PLS1: variants seen among roughly 807,000 people sequenced by gnomAD.
PLS1 encodes the protein plastin-1.
In PLS1, 32 loss-of-function variants were observed where a neutral mutation model predicts 73.7. That is an observed-to-expected ratio of 0.43 (90% CI 0.33 to 0.58). PLS1 has a LOEUF of 0.58. Among genes scored for constraint, PLS1 ranks in the 20% least tolerant of loss-of-function variants. PLS1 has a pLI of 0.04. For missense variants in PLS1, 633 were observed against 740.5 expected (o/e 0.85, Z 1.68); for synonymous variants, 217 against 261.3 (o/e 0.83, Z 1.63).
intron 11 of PLS1, among the ~76,000 whole-genome samples, chr3:142,694,942 T>G (rs2038162780): frequency 6.6e-6 from 1 of 152,208 alleles, no homozygotes; most frequent in Non-Finnish European, 1.5e-5. Flanking sequence ...TATTTTTTTC[T>G]AATTTGTAAA....
intron 1 of PLS1, among the ~76,000 whole-genome samples, chr3:142,655,469 C>T (rs1001375462): frequency 6.6e-6 from 1 of 151,952 alleles, no homozygotes; most frequent in African/African-American, 2.4e-5. Context: ...GCCTGTAATC[C>T]CAGCACTTTG....
chr3:142,689,839 C>CT, intron 10 of PLS1, 26 bp downstream of exon 10: 1 of 1,410,690 alleles, frequency 7.1e-7, no homozygotes, highest in Non-Finnish European at 9.8e-7. Flanking sequence ...CTTTAATTGA[C>CT]TTGCTATATT....
chr3:142,668,044 T>G (rs2037515870), intron 2 of PLS1, among the ~76,000 whole-genome samples: 1 of 152,200 alleles, frequency 6.6e-6, no homozygotes, highest in African/African-American at 2.4e-5. Context: ...AACCATTAAT[T>G]CAGTTAGTAT....
intron 1 of PLS1, among the ~76,000 whole-genome samples, chr3:142,621,603 CAT>C (rs2036316090): frequency 6.6e-6 from 1 of 152,180 alleles, no homozygotes; most frequent in Non-Finnish European, 1.5e-5. Flanking sequence ...TATTCATACA[CAT>C]GTGCATAGAA....
chr3:142,684,194 C>G (rs374046673), intron 7 of PLS1, 23 bp downstream of exon 7: 32 of 1,613,416 alleles, frequency 2.0e-5, no homozygotes, highest in African/African-American at 2.7e-5. Flanking sequence ...GAAATATTTG[C>G]TGTTCATTGA....
At chr3:142,645,552 C>G (rs1462348129) in intron 1 of PLS1, 1 of 152,148 alleles carries the variant, frequency 6.6e-6, no homozygotes, top group Non-Finnish European at 1.5e-5. Flanking sequence ...CCAGCTAGAA[C>G]TGGAGGAAAG....
At chr3:142,607,653 TA>T (rs1439483402) in intron 1 of PLS1, among the ~76,000 whole-genome samples, 3 of 152,282 alleles carry the variant, frequency 2.0e-5, no homozygotes, top group Admixed American at 2.0e-4. Context: ...TATTATTAAC[TA>T]AAGTCCTTAG....
intron 5 of PLS1, 134 bp from the exon 6 acceptor site, chr3:142,677,898 T>C (rs2037755933): frequency 4.4e-6 from 2 of 458,412 alleles, no homozygotes; most frequent in South Asian, 6.4e-5. Flanking sequence ...TGTGCCACCA[T>C]GCCTGGCTTA....
rs529804893 is a variant in PLS1, at chr3:142,610,654, C to T, written c.-37+14145C>T. 4.1e-4 allele frequency among the ~76,000 whole-genome samples: 62 copies of T among 152,160 alleles called. 1 individual carries two copies. The highest frequency in any genetic ancestry group is 8.3e-4 in the South Asian group (4 of 4,806). ...TTTGTCCTTTTGATGTCCCCTTTCC[C>T]TACTCTCTTCAGTGTGGCCTCAAAT... On this transcript the variant is annotated intron_variant, in intron 1 of 15. Transcript: ENST00000457734.
At chr3:142,602,767 C>T (rs2035950497) in intron 1 of PLS1, among the ~76,000 whole-genome samples, 1 of 152,178 alleles carries the variant, frequency 6.6e-6, no homozygotes, top group Non-Finnish European at 1.5e-5. Flanking sequence ...CTTTCCATTT[C>T]CTGGTTCTGC....
chr3:142,686,344 C>A lies in PLS1; in HGVS notation c.949C>A (p.Pro317Thr). Residue 317 changes from proline (P) to threonine (T), a missense_variant, in exon 9 of 16, where the codon CCT becomes ACT. Transcript: ENST00000457734. ...TGCCCCTAAAGGTGGGGAAGATGGA[C>A]CTGCCATTGCCATTGACCTTTCAGG... ...QIAPKGGEDG[P>T]AIAIDLSGIN... 6.2e-7 allele frequency: 1 copy of A among 1,609,194 alleles called. No homozygotes were observed. The highest frequency in any genetic ancestry group is 1.1e-5 in the South Asian group (1 of 90,956).
At chr3:142,699,060 A>G (rs1210001283) in intron 12 of PLS1, among the ~76,000 whole-genome samples, 1 of 152,204 alleles carries the variant, frequency 6.6e-6, no homozygotes, top group African/African-American at 2.4e-5. Flanking sequence ...ATGAGGACAC[A>G]TGGACACAGG....
At chr3:142,600,320 AT>A (rs2035892101) in intron 1 of PLS1, among the ~76,000 whole-genome samples, 1 of 152,118 alleles carries the variant, frequency 6.6e-6, no homozygotes, top group South Asian at 2.1e-4. Flanking sequence ...GCAGACACAA[AT>A]GGGTTGGCCC....
intron 10 of PLS1, among the ~76,000 whole-genome samples, chr3:142,690,928 G>A (rs1055038493): frequency 1.3e-5 from 2 of 152,074 alleles, no homozygotes; most frequent in Non-Finnish European, 2.9e-5. Context: ...GTCAGAGGAA[G>A]GCGCCAATCT....
At chr3:142,648,035 C>T (rs1210964258) in intron 1 of PLS1, among the ~76,000 whole-genome samples, 1 of 152,180 alleles carries the variant, frequency 6.6e-6, no homozygotes, top group African/African-American at 2.4e-5. Context: ...GGTTCATTGA[C>T]TCCCTTACTA....
At chr3:142,679,740 T>C (rs947435076) in intron 6 of PLS1, among the ~76,000 whole-genome samples, 2 of 152,176 alleles carry the variant, frequency 1.3e-5, no homozygotes, top group African/African-American at 4.8e-5. Context: ...TGGCTTAGGA[T>C]TGACTTGGCA....
chr3:142,650,795 T>G (rs1160861789), intron 1 of PLS1, among the ~76,000 whole-genome samples: 1 of 152,170 alleles, frequency 6.6e-6, no homozygotes, highest in Admixed American at 6.5e-5. Flanking sequence ...GGGACTTGGG[T>G]AATACTCATG....
At chr3:142,617,700 G>A (rs1203353577) in intron 1 of PLS1, among the ~76,000 whole-genome samples, 6 of 152,212 alleles carry the variant, frequency 3.9e-5, no homozygotes, top group Middle Eastern at 3.4e-3. Context: ...ACACCTGGCC[G>A]GGCATAATGG....
chr3:142,611,577 G>T (rs1373130401), intron 1 of PLS1, among the ~76,000 whole-genome samples: 2 of 152,100 alleles, frequency 1.3e-5, no homozygotes, highest in Non-Finnish European at 1.5e-5. Context: ...AGCCATGATT[G>T]TACCACTGTA....
Sources: gnomAD v4.1 joint callset for allele counts (sites outside exome capture counted in the v4.1 genomes callset) on GRCh38, gnomAD v4.1.1 for gene constraint, MANE v1.5 for transcripts, NCBI Gene and HGNC (gene_info 2026-07-23, HGNC 2026-07-21) for gene names.